AHI1: variants seen among roughly 807,000 people sequenced by gnomAD.
AHI1 encodes Abelson helper integration site 1.
AHI1 carries 123 observed loss-of-function variants against 149.3 expected under a neutral mutation model. The observed-to-expected ratio is 0.82, with a 90% CI of 0.71 to 0.96. The LOEUF (loss-of-function observed/expected upper bound fraction) is 0.96. AHI1 is among the 40% of genes least tolerant of loss of function. The pLI is 0.00. For synonymous variants in AHI1, 475 were observed against 459.8 expected, an observed-to-expected ratio of 1.03 and a Z score of -0.42; for missense variants, 1,439 against 1,422.7, an observed-to-expected ratio of 1.01 and a Z score of -0.18.
intron 23 of AHI1, 36 bp downstream of exon 23, chr6:135,394,740 A>G: frequency 6.2e-7 from 1 of 1,606,398 alleles, no homozygotes; most frequent in Non-Finnish European, 8.5e-7. Flanking sequence ...GCATCTGAAC[A>G]TTTAAAAGAA....
chr6:135,295,997 C>T (rs1410929185), intron 27 of AHI1, among the ~76,000 whole-genome samples: 3 of 152,104 alleles, frequency 2.0e-5, no homozygotes, highest in Non-Finnish European at 2.9e-5. Flanking sequence ...GGATTCCAGG[C>T]GCCTGCCACC....
intron 27 of AHI1, among the ~76,000 whole-genome samples, chr6:135,299,781 G>A (rs543133071): frequency 2.6e-5 from 4 of 151,992 alleles, no homozygotes; most frequent in South Asian, 2.1e-4. Flanking sequence ...AATACATTAA[G>A]CATTTATAGA....
In AHI1 at chr6:135,430,011, TA is replaced by T. The variant is rs766929085; in HGVS notation, c.2374-12del. ...AGTTTCTTTAATTTCCTAAAATGATTAAAAAAAATACTACTACTGAAAAGTT... is the reference window on the plus strand; with the variant it reads ...AGTTTCTTTAATTTCCTAAAATGATTAAAAAAATACTACTACTGAAAAGTT... On this transcript the variant is annotated splice_polypyrimidine_tract_variant and intron_variant, in intron 17 of 28. Transcript: ENST00000265602. 164 of 1,414,984 alleles carry T rather than the reference TA, an allele frequency of 1.2e-4. No individual in the cohort carries two copies. Among genetic ancestry groups the T allele is most frequent in the African/African-American group, 1.7e-4 (12 of 69,286 alleles). 87.7% of individuals were successfully genotyped at this position (1,414,984 alleles called of 1,614,324 possible). A position where few individuals can be genotyped will look rare whatever the true frequency, so the allele number is the denominator to read the frequency against.
chr6:135,293,649 T>G (rs574183661), intron 27 of AHI1, among the ~76,000 whole-genome samples: 1 of 152,172 alleles, frequency 6.6e-6, no homozygotes, highest in Non-Finnish European at 1.5e-5. Context: ...CATGTAGGAA[T>G]AAATCAACCA....
Position 135,400,293 on chromosome 6 carries a change from T to C in AHI1, c.2988+4658A>G, listed in dbSNP as rs1416325259. ...AAAATATTTTCTCTGGATTCTCTAT[T>C]TTCTGAACCTTTAAAAAAATGTTTT... On this transcript the variant is annotated intron_variant, in intron 22 of 28. Coordinates refer to ENST00000265602, the MANE Select transcript of AHI1 (RefSeq NM_001134831.2). 4.6e-5 allele frequency among the ~76,000 whole-genome samples: 7 copies of C among 152,202 alleles called. No individual in the cohort carries two copies. In the East Asian group the frequency reaches 1.3e-3, roughly 29 times the overall value.
intron 23 of AHI1, among the ~76,000 whole-genome samples, chr6:135,394,167 A>C (rs1778896236): frequency 6.6e-6 from 1 of 152,098 alleles, no homozygotes; most frequent in African/African-American, 2.4e-5. Context: ...AAAAACATAT[A>C]GCTAATGAAC....
intron 23 of AHI1, among the ~76,000 whole-genome samples, chr6:135,372,497 T>C (rs2128457591): frequency 6.8e-6 from 1 of 146,708 alleles, no homozygotes; most frequent in African/African-American, 2.5e-5. Flanking sequence ...AGCGAGACCC[T>C]GTCTCTACCG....
At position 135,457,454 on chromosome 6, in the gene AHI1, T is replaced by C. The variant is rs768123829; in HGVS notation, c.1151+40A>G. ...TGGCAGAAAAAAGACTTCTACTAGTTTCAGTTTCAAGAATTAGTTGTGCAA... is the reference window on the plus strand; with the variant it reads ...TGGCAGAAAAAAGACTTCTACTAGTCTCAGTTTCAAGAATTAGTTGTGCAA... On this transcript the variant is annotated intron_variant, in intron 9 of 28. Coordinates refer to ENST00000265602, the MANE Select transcript of AHI1 (RefSeq NM_001134831.2). The C allele has an allele frequency of 4.0e-6, 6 of 1,482,954 alleles. No individual in the cohort carries two copies. The African/African-American group carries it at 6.9e-5, about 17-fold the overall frequency. The allele number at this position is 1,482,954 out of a possible 1,614,324, so 91.9% of individuals were successfully genotyped here. A position where few individuals can be genotyped will look rare whatever the true frequency, so the allele number is the denominator to read the frequency against.
chr6:135,445,983 G>C (rs545988223), intron 13 of AHI1, among the ~76,000 whole-genome samples: 2 of 152,092 alleles, frequency 1.3e-5, no homozygotes, highest in African/African-American at 4.8e-5. Context: ...ATGAACCCGG[G>C]AGGTGGAGCT....
In AHI1 at chr6:135,490,623, T is replaced by A. The variant is rs764020485; in HGVS notation, c.135A>T (p.Ser45=). The change falls in exon 5 of 29, where the codon TCA becomes TCT. Residue 45 remains serine (S), a splice_region_variant and synonymous_variant. Coordinates refer to ENST00000265602, the MANE Select transcript of AHI1 (RefSeq NM_001134831.2). ...KKLVRSEENI[S]PDTIRSNLHY... ...TATTACCCAATGATCATTTACTTAC[T>A]GAGATGTTTTCTTCAGACCTGACAA... 2 of 1,613,648 alleles carry A rather than the reference T, an allele frequency of 1.2e-6. No homozygotes were observed. The highest frequency in any genetic ancestry group is 2.2e-5 in the South Asian group (2 of 91,028).
intron 12 of AHI1, 40 bp downstream of exon 12, chr6:135,448,250 A>G (rs746082577): frequency 1.5e-6 from 2 of 1,355,418 alleles, no homozygotes; most frequent in Non-Finnish European, 2.0e-6. Flanking sequence ...TTTAATTTCA[A>G]CACTAGATGA....
At chr6:135,475,828 A>T (rs747441503) in intron 5 of AHI1, among the ~76,000 whole-genome samples, 2 of 152,176 alleles carry the variant, frequency 1.3e-5, no homozygotes. Context: ...TGGTGTGGGT[A>T]TAACAGCTTT....
chr6:135,394,130 G>T (rs1252901620), intron 23 of AHI1, among the ~76,000 whole-genome samples: 1 of 151,828 alleles, frequency 6.6e-6, no homozygotes, highest in Non-Finnish European at 1.5e-5. Flanking sequence ...CTTTCTAAAA[G>T]AATTCAGTAA....
At chr6:135,399,740 T>G (rs964312556) in intron 22 of AHI1, among the ~76,000 whole-genome samples, 1 of 151,754 alleles carries the variant, frequency 6.6e-6, no homozygotes, top group African/African-American at 2.4e-5. Flanking sequence ...CCCCACTGTT[T>G]ACTTTCTTAG....
intron 13 of AHI1, among the ~76,000 whole-genome samples, chr6:135,444,063 A>ATT (rs1204521938): frequency 6.6e-6 from 1 of 152,118 alleles, no homozygotes; most frequent in Non-Finnish European, 1.5e-5. Flanking sequence ...ACACTCAATG[A>ATT]AAGTCTGATA....
Position 135,299,704 on chromosome 6 carries a change from T to G in AHI1, c.3485+796A>C, listed in dbSNP as rs1381206466. Among the ~76,000 whole-genome samples the G allele has an allele frequency of 2.0e-5, 3 of 152,234 alleles. No homozygotes were observed. In the East Asian group the frequency reaches 5.8e-4, roughly 29 times the overall value. ...TGGGTACATTAAGTGACACAGCAAG[T>G]ACTAATTAAAAATATAAAAACTTTC... is the stretch of plus-strand genomic sequence containing the variant. On this transcript the variant is annotated intron_variant, in intron 27 of 28. Coordinates refer to ENST00000265602, the MANE Select transcript of AHI1 (RefSeq NM_001134831.2).
intron 5 of AHI1, among the ~76,000 whole-genome samples, chr6:135,468,681 C>T (rs900866101): frequency 7.2e-5 from 11 of 152,100 alleles, no homozygotes; most frequent in African/African-American, 2.7e-4. Context: ...CCATCGACCC[C>T]ACAGAAATGC....
At chr6:135,481,985 C>T (rs1793726037) in intron 5 of AHI1, among the ~76,000 whole-genome samples, 1 of 151,504 alleles carries the variant, frequency 6.6e-6, no homozygotes, top group South Asian at 2.1e-4. Context: ...TCTTTATTTT[C>T]TCTGGCTACT....
chr6:135,407,873 A>C (rs989939427), intron 21 of AHI1, among the ~76,000 whole-genome samples: 2 of 150,700 alleles, frequency 1.3e-5, no homozygotes, highest in African/African-American at 5.0e-5. Context: ...CCTACTAAAA[A>C]TACAAAAAAA....
Sources: gnomAD v4.1 joint callset for allele counts (sites outside exome capture counted in the v4.1 genomes callset) on GRCh38, gnomAD v4.1.1 for gene constraint, MANE v1.5 for transcripts, NCBI Gene and HGNC (gene_info 2026-07-23, HGNC 2026-07-21) for gene names.